Variants in RBFOX3 observed in about 807,000 individuals in gnomAD.
RBFOX3 encodes the protein RNA binding fox-1 homolog 3.
Under a neutral mutation model 48.7 loss-of-function variants are expected in RBFOX3, and 17 were observed. The ratio of observed to expected loss-of-function variants is 0.35; its 90% confidence interval spans 0.24 to 0.52. The LOEUF is 0.52. RBFOX3 is among the 20% of genes least tolerant of loss of function. The pLI, the probability that RBFOX3 is intolerant of heterozygous loss-of-function variation, is 0.94. For synonymous variants in RBFOX3, 212 were observed against 209.5 expected (o/e 1.01, Z -0.10); for missense variants, 382 against 497.5 (o/e 0.77, Z 2.21).
At chr17:79,621,520 G>C in the RBFOX3 span, among the ~76,000 whole-genome samples, 1 of 152,334 alleles carries the variant, frequency 6.6e-6, no homozygotes, top group Admixed American at 6.5e-5. Context: ...AGACTTCACT[G>C]AATCATGTTG....
chr17:79,517,472 CAAAAG>C (rs1373061682), intron 1 of RBFOX3, among the ~76,000 whole-genome samples: 7 of 139,960 alleles, frequency 5.0e-5, no homozygotes, highest in Non-Finnish European at 9.3e-5. Flanking sequence ...CAAACAAAAA[CAAAAG>C]AAAGGAAGGA....
At chr17:79,189,481 T>C (rs999516907) in intron 4 of RBFOX3, among the ~76,000 whole-genome samples, 14 of 152,258 alleles carry the variant, frequency 9.2e-5, no homozygotes, top group African/African-American at 3.4e-4. Context: ...AATCCGTTAA[T>C]GTAATAGTCA....
At chr17:79,283,747 C>T (rs1487035621) in intron 3 of RBFOX3, among the ~76,000 whole-genome samples, 7 of 152,204 alleles carry the variant, frequency 4.6e-5, no homozygotes, top group African/African-American at 1.7e-4. Flanking sequence ...TCATGCAGAG[C>T]GGTTAGTGGC....
intron 4 of RBFOX3, among the ~76,000 whole-genome samples, chr17:79,194,779 T>TGTGTGTGTGA (rs1159079929): frequency 7.2e-6 from 1 of 139,484 alleles, no homozygotes; most frequent in South Asian, 2.3e-4. Context: ...TGTGTGTGTG[T>TGTGTGTGTGA]GAAATGCACA....
chr17:79,541,012 T>C (rs1555790107), intron 1 of RBFOX3, among the ~76,000 whole-genome samples: 1 of 152,120 alleles, frequency 6.6e-6, no homozygotes, highest in Non-Finnish European at 1.5e-5. Flanking sequence ...CCCGAGTGCT[T>C]GTCGAGCCTC....
intron 2 of RBFOX3, among the ~76,000 whole-genome samples, chr17:79,359,912 CA>C (rs769514109): frequency 1.3e-5 from 2 of 152,012 alleles, no homozygotes; most frequent in African/African-American, 2.4e-5. Flanking sequence ...TATTTGTAGA[CA>C]GGGGGTCTGG....
intron 3 of RBFOX3, among the ~76,000 whole-genome samples, chr17:79,257,827 C>T (rs1406023284): frequency 3.9e-5 from 6 of 152,160 alleles, no homozygotes; most frequent in Admixed American, 6.5e-5. Context: ...GCAATACACT[C>T]GCCTCAGCCT....
chr17:79,570,251 T>A (rs1295732442), intron 1 of RBFOX3, among the ~76,000 whole-genome samples: 1 of 151,570 alleles, frequency 6.6e-6, no homozygotes, highest in East Asian at 2.0e-4. Flanking sequence ...TATGAACAGA[T>A]GAATTACGGA....
chr17:79,379,292 G>A (rs1425076088), intron 2 of RBFOX3, among the ~76,000 whole-genome samples: 1 of 152,114 alleles, frequency 6.6e-6, no homozygotes, highest in South Asian at 2.1e-4. Context: ...CAGAATTCCC[G>A]ACTCCTTGCC....
chr17:79,381,860 C>T (rs1033851254), intron 2 of RBFOX3, among the ~76,000 whole-genome samples: 22 of 152,168 alleles, frequency 1.4e-4, no homozygotes, highest in Admixed American at 4.6e-4. Context: ...TATTTGGAAA[C>T]GCAGACAGAA....
chr17:79,498,522 C>T (rs1291662298), intron 1 of RBFOX3, among the ~76,000 whole-genome samples: 1 of 151,386 alleles, frequency 6.6e-6, no homozygotes, highest in African/African-American at 2.4e-5. Flanking sequence ...TCCATCCACT[C>T]ACTCACCCAT....
At chr17:79,397,757 C>A (rs2148344929) in intron 2 of RBFOX3, among the ~76,000 whole-genome samples, 1 of 152,280 alleles carries the variant, frequency 6.6e-6, no homozygotes, top group Non-Finnish European at 1.5e-5. Context: ...CCCCGGGAGG[C>A]CTCCAGGACG....
Position 79,480,135 on chromosome 17 carries a change from T to A in RBFOX3, c.-175+2319A>T, listed in dbSNP as rs2149473376. On this transcript the variant is annotated intron_variant, in intron 2 of 14. Transcript: ENST00000693108. The surrounding 1 kb of genome is among the most constrained non-coding windows in gnomAD (Gnocchi z 4.8). ...GAAAGAGCCAGAAAGAGCAGTGGGA[T>A]TCCTGCCCTCTAAACAGTCACATTG... is the stretch of plus-strand genomic sequence containing the variant. Among the ~76,000 whole-genome samples the A allele has an allele frequency of 6.6e-6, 1 of 152,292 alleles. No individual in the cohort carries two copies. The highest frequency in any genetic ancestry group is 1.9e-4 in the East Asian group (1 of 5,180).
At chr17:79,190,926 C>G (rs1441786055) in intron 4 of RBFOX3, among the ~76,000 whole-genome samples, 1 of 152,220 alleles carries the variant, frequency 6.6e-6, no homozygotes, top group Non-Finnish European at 1.5e-5. Context: ...AGACTGTACA[C>G]ACAATGTGGG....
intron 4 of RBFOX3, among the ~76,000 whole-genome samples, chr17:79,227,740 T>C (rs1039684568): frequency 6.6e-6 from 1 of 152,142 alleles, no homozygotes; most frequent in African/African-American, 2.4e-5. Context: ...GTGGCCTCAG[T>C]GTCCAGGTGA....
intron 1 of RBFOX3, among the ~76,000 whole-genome samples, chr17:79,556,508 T>C (rs1031441058): frequency 7.9e-5 from 12 of 152,012 alleles, no homozygotes; most frequent in African/African-American, 1.2e-4. Context: ...GGAGGAAGTG[T>C]TGATTTTAAC....
At position 79,103,110 on chromosome 17, in the gene RBFOX3, G is replaced by A; in HGVS notation, c.507+52C>T. 1.5e-6 allele frequency: 2 copies of A among 1,351,610 alleles called. No individual in the cohort carries two copies. The highest frequency in any genetic ancestry group is 2.0e-5 in the Admixed American group (1 of 50,648). The allele number at this position is 1,351,610 out of a possible 1,614,324, so 83.7% of individuals were successfully genotyped here. On this transcript the variant is annotated intron_variant, in intron 8 of 14. Transcript: ENST00000693108. This position sits in a 1 kb window ranked among gnomAD's most constrained non-coding sequence, Gnocchi z 6.1. ...GGCTGGTTGGTTGGGGGAGCTGGGGGGCAGGTGGGCGATCTTGGGGCATCC... is the reference window on the plus strand; with the variant it reads ...GGCTGGTTGGTTGGGGGAGCTGGGGAGCAGGTGGGCGATCTTGGGGCATCC...
At position 79,194,753 on chromosome 17, in the gene RBFOX3, G is replaced by GTGTGTGTGTGTGTGTGTGT. The variant is rs1555599582; in HGVS notation, c.-34+41012_-34+41013insACACACACACACACACACA. ...AATTGAGACACTCCCTGTGTGTGTG[G>GTGTGTGTGTGTGTGTGTGT]GTGTGTGTGTGTGTGTGTGTGTGTG... On this transcript the variant is annotated intron_variant, in intron 4 of 14. Coordinates refer to ENST00000693108, the MANE Select transcript of RBFOX3 (RefSeq NM_001350451.2). Among the ~76,000 whole-genome samples the GTGTGTGTGTGTGTGTGTGT allele has an allele frequency of 2.0e-5, 3 of 149,012 alleles. No individual in the cohort carries two copies. The East Asian group carries it at 6.0e-4, about 30-fold the overall frequency.
At chr17:79,578,812 T>C (rs986121358) in intron 1 of RBFOX3, among the ~76,000 whole-genome samples, 34 of 152,330 alleles carry the variant, frequency 2.2e-4, no homozygotes, top group South Asian at 6.2e-4. Flanking sequence ...GCACAGCAGA[T>C]CATTCCAGAA....
Sources: allele counts gnomAD v4.1 joint callset (sites outside exome capture counted in the v4.1 genomes callset), GRCh38; gene constraint gnomAD v4.1.1; non-coding constraint Gnocchi (gnomAD v3.1); transcripts MANE v1.5; gene names NCBI Gene and HGNC (gene_info 2026-07-23, HGNC 2026-07-21).